The following ATAD3C variants were observed in gnomAD, a reference collection of about 807,000 sequenced individuals.
ATAD3C encodes the protein ATPase family AAA domain containing 3C.
In ATAD3C, 38 loss-of-function variants were observed where a neutral mutation model predicts 46.3. The ratio of observed to expected loss-of-function variants is 0.82; its 90% CI spans 0.63 to 1.08. ATAD3C has a LOEUF of 1.08. Among genes scored for constraint, ATAD3C ranks in the 50% least tolerant of loss-of-function variants. ATAD3C has a pLI of 0.00. For missense variants in ATAD3C, 563 were observed against 572.7 expected (o/e 0.98, Z 0.17); for synonymous variants, 220 against 236.4 (o/e 0.93, Z 0.63).
chr1:1,452,250 C>A, intron 2 of ATAD3C, 115 bp from the exon 3 acceptor site: 1 of 1,578,732 alleles, frequency 6.3e-7, no homozygotes. Context: ...GGGGACACTG[C>A]CCCCCTGTCC....
At chr1:1,466,643 T>C (rs1639150577) in intron 11 of ATAD3C, among the ~76,000 whole-genome samples, 1 of 151,930 alleles carries the variant, frequency 6.6e-6, no homozygotes, top group Non-Finnish European at 1.5e-5. Context: ...GACTGATTTT[T>C]GTATGTTGAA....
At chr1:1,463,236 G>A (rs1639098480) in intron 11 of ATAD3C, among the ~76,000 whole-genome samples, 1 of 152,096 alleles carries the variant, frequency 6.6e-6, no homozygotes, top group Admixed American at 6.6e-5. Flanking sequence ...GGGCCAAGGA[G>A]CTGGGACTCA....
Position 1,459,223 on chromosome 1 carries a change from C to G in ATAD3C, c.804C>G (p.His268Gln). ...CCTTCCTGTACCGCACGGGCCAGCA[C>G]AGCAACAAGTGAGGGAGCCCCTCGG... is the stretch of plus-strand genomic sequence containing the variant. Reference protein sequence around the residue: ...LNAFLYRTGQHSNKFMLILAS... With the variant: ...LNAFLYRTGQQSNKFMLILAS... The change falls in exon 9 of 12, where the codon CAC becomes CAG. Residue 268 changes from histidine to glutamine, a missense_variant. Around this residue, in one of 3 missense-constraint regions of ATAD3C, gnomAD observed 273 missense variants for 253.5 expected, o/e 1.08. Coordinates refer to ENST00000378785, the MANE Select transcript of ATAD3C (RefSeq NM_001039211.3). The surrounding 1 kb of genome is among the most constrained non-coding windows in gnomAD (Gnocchi z 4.9). The G allele has an allele frequency of 6.2e-7, 1 of 1,612,630 alleles. No homozygotes were observed.
At chr1:1,454,780 C>T (rs974610007) in intron 4 of ATAD3C, among the ~76,000 whole-genome samples, 15 of 151,770 alleles carry the variant, frequency 9.9e-5, no homozygotes, top group Non-Finnish European at 1.5e-4. Flanking sequence ...TTTGGGTGTG[C>T]GGCCGTCTGT....
Position 1,455,877 on chromosome 1 carries a change from G to A in ATAD3C, c.525G>A (p.Leu175=), listed in dbSNP as rs778476051. 3.7e-6 allele frequency: 6 copies of A among 1,613,300 alleles called. No individual in the cohort carries two copies. In the Admixed American group the frequency reaches 8.3e-5, roughly 22 times the overall value. Residue 175 remains leucine (L), a synonymous_variant, in exon 6 of 12, where the codon CTG becomes CTA. Coordinates refer to ENST00000378785, the MANE Select transcript of ATAD3C (RefSeq NM_001039211.3). ...KNRGLYRHIL[L]YGPPGTGKTL... is the part of the protein sequence containing the mutation. ...GGGGCCTGTACAGGCACATCCTGCT[G>A]TACGGGCCACCAGGCACCGGGAAGA...
chr1:1,457,321 G>A lies in ATAD3C; in HGVS notation c.741+141G>A, dbSNP rs1638980496. The A allele has an allele frequency of 8.5e-6, 12 of 1,413,982 alleles. No individual in the cohort carries two copies. In the Admixed American group the frequency reaches 1.7e-4, roughly 21 times the overall value. The allele number at this position is 1,413,982 out of a possible 1,614,324, so 87.6% of individuals were successfully genotyped here. ...AAAAACACAGCATTTTTGGCCAGGT[G>A]TGGAGGCTCACGCCTGTAATACCAG... On this transcript the variant is annotated intron_variant, in intron 8 of 11. Coordinates refer to ENST00000378785, the MANE Select transcript of ATAD3C (RefSeq NM_001039211.3).
At chr1:1,452,178 C>G in intron 2 of ATAD3C, 56 bp downstream of exon 2, 1 of 1,601,484 alleles carries the variant, frequency 6.2e-7, no homozygotes, top group African/African-American at 1.3e-5. Flanking sequence ...AGGTGTGAGT[C>G]GCTGGTCCCA....
At chr1:1,451,929 C>T in intron 1 of ATAD3C, 117 bp from the exon 2 acceptor site, 1 of 1,480,932 alleles carries the variant, frequency 6.8e-7, no homozygotes, top group Non-Finnish European at 9.0e-7. Context: ...CTGCAGGTCC[C>T]CAGGTGCCCG....
intron 11 of ATAD3C, among the ~76,000 whole-genome samples, chr1:1,468,001 C>CAGGGTCTG (rs560092043): frequency 6.6e-6 from 1 of 151,874 alleles, no homozygotes; most frequent in Non-Finnish European, 1.5e-5. Flanking sequence ...CTGTGAGGGT[C>CAGGGTCTG]AGGGTCTGAG....
chr1:1,450,883 C>G, intron 1 of ATAD3C, 125 bp downstream of exon 1: 1 of 1,429,642 alleles, frequency 7.0e-7, no homozygotes, highest in Non-Finnish European at 9.6e-7. Context: ...GGGCCCAGGG[C>G]CAAGCTTGGG....
At chr1:1,453,018 G>A (rs952130520) in intron 3 of ATAD3C, among the ~76,000 whole-genome samples, 6 of 151,928 alleles carry the variant, frequency 3.9e-5, no homozygotes, top group African/African-American at 1.4e-4. Flanking sequence ...ACCCCGCCCA[G>A]CACACAGTAG....
rs1280924104 is a variant in ATAD3C at position 1,469,031 on chromosome 1, G to C, written c.*501G>C. ...CGCCTGGAATCTCAGCGAGGCCAAGGAGAGTGGATCACCTGAGGTCGGGAG... is the reference window on the plus strand; with the variant it reads ...CGCCTGGAATCTCAGCGAGGCCAAGCAGAGTGGATCACCTGAGGTCGGGAG... On this transcript the variant is annotated 3_prime_UTR_variant, in exon 12 of 12. Coordinates refer to ENST00000378785, the MANE Select transcript of ATAD3C (RefSeq NM_001039211.3). 1 of 145,142 alleles carries C rather than the reference G, an allele frequency of 6.9e-6. No individual in the cohort carries two copies. The highest frequency in any genetic ancestry group is 2.6e-5 in the African/African-American group (1 of 37,992). 9.0% of individuals were successfully genotyped at this position (145,142 alleles called of 1,614,324 possible).
chr1:1,466,360 G>A (rs182731476), intron 11 of ATAD3C, among the ~76,000 whole-genome samples: 2 of 151,496 alleles, frequency 1.3e-5, no homozygotes, highest in South Asian at 2.1e-4. Flanking sequence ...ATCCTGGCCT[G>A]GCTAACATGG....
chr1:1,465,589 TAAAAAAA>T (rs1156747431), intron 11 of ATAD3C, among the ~76,000 whole-genome samples: 20 of 110,524 alleles, frequency 1.8e-4, no homozygotes, highest in South Asian at 2.9e-4. Flanking sequence ...AGACTGTCTT[TAAAAAAA>T]AAAAAAAAAA....
rs1639013999 is a variant in ATAD3C, at chr1:1,459,025, A to C, written c.742-136A>C. The C allele has an allele frequency of 1.3e-6, 2 of 1,516,730 alleles. No individual in the cohort carries two copies. Among genetic ancestry groups the C allele is most frequent in the Admixed American group, 2.2e-5 (1 of 45,426 alleles). 94.0% of individuals were successfully genotyped at this position (1,516,730 alleles called of 1,614,324 possible). On this transcript the variant is annotated intron_variant, in intron 8 of 11. Transcript: ENST00000378785. The surrounding 1 kb of genome is among the most constrained non-coding windows in gnomAD (Gnocchi z 4.9). ...TGAGTCACCGCCCCTGGCCCTGGTC[A>C]GGCTTTTGAGTCTAGATCCGTGAAA...
chr1:1,453,339 A>G (rs954229785), intron 3 of ATAD3C, among the ~76,000 whole-genome samples: 8 of 152,034 alleles, frequency 5.3e-5, no homozygotes, highest in African/African-American at 1.9e-4. Context: ...TGTTGCCAGG[A>G]TTACAGGTGC....
rs750062448 is a variant in ATAD3C at position 1,468,269 on chromosome 1, G to T, written c.1090-115G>T. On this transcript the variant is annotated intron_variant, in intron 11 of 11. Coordinates refer to ENST00000378785, the MANE Select transcript of ATAD3C (RefSeq NM_001039211.3). ...GAGGTGCGGGTAGCCTGTGTTTCACGCTCAGGCCATCCTGGAGCCCCTGGT... is the reference window on the plus strand; with the variant it reads ...GAGGTGCGGGTAGCCTGTGTTTCACTCTCAGGCCATCCTGGAGCCCCTGGT... 8.3e-6 allele frequency: 12 copies of T among 1,443,682 alleles called. No individual in the cohort carries two copies. In the South Asian group the frequency reaches 1.8e-4, roughly 21 times the overall value. The allele number at this position is 1,443,682 out of a possible 1,614,324, so 89.4% of individuals were successfully genotyped here.
At chr1:1,452,178 C>T (rs535235832) in intron 2 of ATAD3C, 56 bp downstream of exon 2, 9 of 1,601,484 alleles carry the variant, frequency 5.6e-6, no homozygotes, top group African/African-American at 2.7e-5. Context: ...AGGTGTGAGT[C>T]GCTGGTCCCA....
intron 8 of ATAD3C, among the ~76,000 whole-genome samples, chr1:1,458,797 G>A (rs535456893): frequency 9.3e-5 from 14 of 150,822 alleles, no homozygotes; most frequent in South Asian, 6.3e-4. Flanking sequence ...ATTTCAGCTC[G>A]CTGCAACCTC....
Sources: allele counts gnomAD v4.1 joint callset (sites outside exome capture counted in the v4.1 genomes callset), GRCh38; gene constraint gnomAD v4.1.1; regional missense constraint gnomAD v4.1.1; non-coding constraint Gnocchi (gnomAD v3.1); transcripts MANE v1.5; gene names NCBI Gene and HGNC (gene_info 2026-07-23, HGNC 2026-07-21).